NOTCH1: variants seen among roughly 807,000 people sequenced by gnomAD.
The protein encoded by NOTCH1 is notch receptor 1.
Under a neutral mutation model 254.8 loss-of-function variants are expected in NOTCH1, and 37 were observed. The ratio of observed to expected loss-of-function variants is 0.15; its 90% CI spans 0.11 to 0.19. The LOEUF is 0.19. Ranked by LOEUF, NOTCH1 falls within the 10% of genes least tolerant of loss-of-function variation. The probability of loss-of-function intolerance (pLI) is 1.00; values close to 1 mark genes in which losing one functional copy is unlikely to be tolerated. For synonymous variants in NOTCH1, 1,731 were observed against 1,618.1 expected, an observed-to-expected ratio of 1.07 and a Z score of -1.68; for missense variants, 2,972 against 3,708.6, an observed-to-expected ratio of 0.80 and a Z score of 5.16.
chr9:136,499,510 G>A (rs1842965187), intron 31 of NOTCH1, among the ~76,000 whole-genome samples: 1 of 152,208 alleles, frequency 6.6e-6, no homozygotes, highest in Admixed American at 6.5e-5. Context: ...ACCACGTGTG[G>A]CCTCATTTAA....
chr9:136,500,931 C>G, intron 30 of NOTCH1, 84 bp from the exon 31 acceptor site: 9 of 1,450,486 alleles, frequency 6.2e-6, no homozygotes, highest in Non-Finnish European at 8.3e-6. Flanking sequence ...GCCCCAAGCT[C>G]AAGGGGCCAC....
intron 19 of NOTCH1, 30 bp from the exon 20 acceptor site, chr9:136,508,415 C>T: frequency 6.2e-7 from 1 of 1,612,728 alleles, no homozygotes. Context: ...AGCTGGGTGC[C>T]CGCGCCCCGG....
chr9:136,543,832 T>A (rs966287172), intron 2 of NOTCH1, 192 bp downstream of exon 2: 21 of 678,076 alleles, frequency 3.1e-5, no homozygotes, highest in African/African-American at 1.6e-4. Flanking sequence ...CCAGACCAGC[T>A]CCACACGCAG....
chr9:136,544,822 C>T (rs1327186047), intron 1 of NOTCH1, among the ~76,000 whole-genome samples: 1 of 151,924 alleles, frequency 6.6e-6, no homozygotes, highest in Non-Finnish European at 1.5e-5. Context: ...TGAAGGTCCC[C>T]CATTCGGAAG....
chr9:136,502,708 G>A (rs1843018091), intron 27 of NOTCH1: 4 of 575,556 alleles, frequency 6.9e-6, no homozygotes, highest in Non-Finnish European at 1.2e-5. Flanking sequence ...ATCTGGAGAC[G>A]GCTTTTACTT....
At chr9:136,507,657 C>T (rs965274310) in intron 21 of NOTCH1, among the ~76,000 whole-genome samples, 1 of 152,164 alleles carries the variant, frequency 6.6e-6, no homozygotes, top group African/African-American at 2.4e-5. Flanking sequence ...GGTGGGTGGA[C>T]CCCGTCCCAT....
intron 10 of NOTCH1, 98 bp downstream of exon 10, chr9:136,515,883 T>C: frequency 5.1e-6 from 6 of 1,179,318 alleles, no homozygotes; most frequent in Non-Finnish European, 7.3e-6. Context: ...CTGGACCAGG[T>C]GGCCCAGACC....
Position 136,509,738 on chromosome 9 carries a change from T to G in NOTCH1, c.2964A>C (p.Thr988=), listed in dbSNP as rs1361575287. The G allele has an allele frequency of 6.2e-7, 1 of 1,612,780 alleles. No homozygotes were observed. The highest frequency in any genetic ancestry group is 1.1e-5 in the South Asian group (1 of 91,086). The change falls in exon 18 of 34, where the codon ACA becomes ACC. Residue 988 remains threonine, a synonymous_variant. Coordinates refer to ENST00000651671, the MANE Select transcript of NOTCH1 (RefSeq NM_017617.5). ...CTCACTCGAGCCCCGCACACCTCTCTGTGCAGTCAGGCGTGTTGTTCTCAC... is the reference window on the plus strand; with the variant it reads ...CTCACTCGAGCCCCGCACACCTCTCGGTGCAGTCAGGCGTGTTGTTCTCAC... ...IHCENNTPDC[T]ESSCFNGGTC...
chr9:136,507,848 T>TG, intron 21 of NOTCH1, 107 bp downstream of exon 21: 1 of 1,154,484 alleles, frequency 8.7e-7, no homozygotes, highest in Non-Finnish European at 1.3e-6. Context: ...GAACAGTGCA[T>TG]GGGCCTATCA....
At position 136,508,239 on chromosome 9, in the gene NOTCH1, C is replaced by T. The variant is rs2133347031; in HGVS notation, c.3318G>A (p.Gln1106=). 1 of 1,611,654 alleles carries T rather than the reference C, an allele frequency of 6.2e-7. No individual in the cohort carries two copies. The highest frequency in any genetic ancestry group is 8.5e-7 in the Non-Finnish European group (1 of 1,179,410). The change falls in exon 20 of 34, where the codon CAG becomes CAA. Residue 1106 remains glutamine, a synonymous_variant. Coordinates refer to ENST00000651671, the MANE Select transcript of NOTCH1 (RefSeq NM_017617.5). ...GTGGGCACAGCAGGTTACCTTGTCG[C>T]TGCGCAGCCACCTCACAGGACACGC... ...VPSVSCEVAA[Q]RQGVDVARLC... is the part of the protein sequence containing the mutation.
rs140449226 is a variant in NOTCH1, at chr9:136,524,932, G to T, written c.141-953C>A. On this transcript the variant is annotated intron_variant, in intron 2 of 33. Transcript: ENST00000651671. ...ATTACAGGCGTAAGCCACCGCGCCC[G>T]GCCAGGAAGCCTTTCTGATGGGACA... is the stretch of plus-strand genomic sequence containing the variant. Among the ~76,000 whole-genome samples, 988 of 152,256 alleles carry T rather than the reference G, an allele frequency of 6.5e-3. 6 individuals are homozygous for T. Among genetic ancestry groups the T allele is most frequent in the African/African-American group, 0.021 (876 of 41,550 alleles).
chr9:136,506,456 G>A lies in NOTCH1; in HGVS notation c.4014+71C>T, dbSNP rs1254687518. On this transcript the variant is annotated intron_variant, in intron 24 of 33. Transcript: ENST00000651671. This position sits in a 1 kb window ranked among gnomAD's most constrained non-coding sequence, Gnocchi z 4.5. ...AGGATCACTGCCCGGTCTGCGCCCC[G>A]AGGCCCCCACGTGGACCTCTCCAGG... The A allele has an allele frequency of 6.6e-6, 9 of 1,372,506 alleles. No homozygotes were observed. The highest frequency in any genetic ancestry group is 1.4e-5 in the African/African-American group (1 of 69,214). The allele number at this position is 1,372,506 out of a possible 1,614,324, so 85.0% of individuals were successfully genotyped here.
rs540249027 is a variant in NOTCH1, at chr9:136,546,011, C to A, written c.-225G>T. On this transcript the variant is annotated 5_prime_UTR_variant, in exon 1 of 34. Coordinates refer to ENST00000651671, the MANE Select transcript of NOTCH1 (RefSeq NM_017617.5). ...GCGCCCGCGCCCGCGCCCCGCGCCCCGCGCCCTTGCGCTCCCTCCCGCGGC... is the reference window on the plus strand; with the variant it reads ...GCGCCCGCGCCCGCGCCCCGCGCCCAGCGCCCTTGCGCTCCCTCCCGCGGC... Among the ~76,000 whole-genome samples the A allele has an allele frequency of 6.7e-6, 1 of 149,054 alleles. No homozygotes were observed. Among genetic ancestry groups the A allele is most frequent in the Admixed American group, 6.7e-5 (1 of 15,034 alleles).
At chr9:136,535,528 G>T (rs867063681) in intron 2 of NOTCH1, among the ~76,000 whole-genome samples, 13 of 80,564 alleles carry the variant, frequency 1.6e-4, no homozygotes, top group African/African-American at 3.4e-4. Context: ...GGAGGGGGGA[G>T]CACTCAGGAT....
In NOTCH1 at chr9:136,497,344, G is replaced by C. The variant is rs777501680; in HGVS notation, c.6395C>G (p.Thr2132Arg). Residue 2132 changes from threonine (T) to arginine (R), a missense_variant, in exon 34 of 34, where the codon ACG becomes AGG. Coordinates refer to ENST00000651671, the MANE Select transcript of NOTCH1 (RefSeq NM_017617.5). Reference sequence around the variant, plus strand: ...GCAGAGCGGGGGCGACAGGGTGGGCGTGCCCCCCAGCGGGGCTCCGTGCAG... The same window carrying C: ...GCAGAGCGGGGGCGACAGGGTGGGCCTGCCCCCCAGCGGGGCTCCGTGCAG... ...PQLHGAPLGG[T>R]PTLSPPLCSP... 1 of 1,606,072 alleles carries C rather than the reference G, an allele frequency of 6.2e-7. No homozygotes were observed. Among genetic ancestry groups the C allele is most frequent in the African/African-American group, 1.3e-5 (1 of 74,920 alleles).
rs779118023 is a variant in NOTCH1 at position 136,522,972 on chromosome 9, C to T, written c.620G>A (p.Arg207His). 2.6e-5 allele frequency: 41 copies of T among 1,558,146 alleles called. No individual in the cohort carries two copies. The highest frequency in any genetic ancestry group is 1.7e-4 in the Middle Eastern group (1 of 5,974). ...NEVGSYRCVCRATHTGPNCER... is the reference protein window; with the variant it reads ...NEVGSYRCVCHATHTGPNCER... ...GCAGTTGGGGCCAGTGTGGGTGGCG[C>T]GGCAGACGCAGCGGTAGGAGCCGAC... is the stretch of plus-strand genomic sequence containing the variant. The change falls in exon 4 of 34, where the codon CGC (arginine) becomes CAC (histidine). Residue 207 changes from arginine (R) to histidine (H), a missense_variant. Physicochemically the swap from Arg to His is conservative, Grantham distance 29. Coordinates refer to ENST00000651671, the MANE Select transcript of NOTCH1 (RefSeq NM_017617.5).
rs576155846 is a variant in NOTCH1, at chr9:136,495,962, A to C, written c.*109T>G. 1.5e-5 allele frequency: 18 copies of C among 1,177,834 alleles called. No homozygotes were observed. In the African/African-American group the frequency reaches 1.9e-4, roughly 12 times the overall value. The allele number at this position is 1,177,834 out of a possible 1,614,324, so 73.0% of individuals were successfully genotyped here. The stretch of plus-strand genomic sequence containing the variant: ...AAAATCCTCGTTCTTATTTTGTATA[A>C]AAACATGTGTTTTAAAAAGGCTCCT... On this transcript the variant is annotated 3_prime_UTR_variant, in exon 34 of 34. Coordinates refer to ENST00000651671, the MANE Select transcript of NOTCH1 (RefSeq NM_017617.5).
rs373068883 is a variant in NOTCH1, at chr9:136,515,390, G to A, written c.1914C>T (p.Cys638=). Residue 638 remains cysteine, a synonymous_variant, in exon 12 of 34, where the codon TGC becomes TGT. Coordinates refer to ENST00000651671, the MANE Select transcript of NOTCH1 (RefSeq NM_017617.5). The part of the protein sequence containing the change: ...FCLKGTTGPN[C]EINLDDCASS... Reference sequence around the variant, plus strand: ...TGGCACAGTCATCCAGGTTGATCTCGCAGTTGGGTCCTGAAGGGGTGGCAC... The same window carrying A: ...TGGCACAGTCATCCAGGTTGATCTCACAGTTGGGTCCTGAAGGGGTGGCAC... 2.0e-4 allele frequency: 317 copies of A among 1,612,916 alleles called. No individual in the cohort carries two copies. Among genetic ancestry groups the A allele is most frequent in the Middle Eastern group, 6.6e-4 (4 of 6,062 alleles).
In NOTCH1 at chr9:136,505,967, GCCACCGCTCTCCT is replaced by G. The variant is rs1374739028; in HGVS notation, c.4015-99_4015-87del. 4.1e-6 allele frequency: 5 copies of G among 1,227,206 alleles called. No individual in the cohort carries two copies. The African/African-American group carries it at 7.6e-5, about 19-fold the overall frequency. 76.0% of individuals were successfully genotyped at this position (1,227,206 alleles called of 1,614,324 possible). On this transcript the variant is annotated intron_variant, in intron 24 of 33. Coordinates refer to ENST00000651671, the MANE Select transcript of NOTCH1 (RefSeq NM_017617.5). ...TCACACCCAGCCCTCGGCCAGCAGT[GCCACCGCTCTCCT>G]CTAACCTGGGAGGCGGCCTGCAACC...
Sources: allele counts gnomAD v4.1 joint callset (sites outside exome capture counted in the v4.1 genomes callset), GRCh38; gene constraint gnomAD v4.1.1; non-coding constraint Gnocchi (gnomAD v3.1); transcripts MANE v1.5; gene names NCBI Gene and HGNC (gene_info 2026-07-23, HGNC 2026-07-21).